Variants in TTC9 observed in about 807,000 individuals in gnomAD.
TTC9 encodes the protein tetratricopeptide repeat protein 9A.
Under a neutral mutation model 22.9 loss-of-function variants are expected in TTC9, and 13 were observed. That is an observed-to-expected ratio of 0.57 (90% CI 0.37 to 0.90). The LOEUF is 0.90. Among genes scored for constraint, TTC9 ranks in the 40% least tolerant of loss-of-function variants. TTC9 has a pLI of 0.01. For synonymous variants in TTC9, 148 were observed against 133.2 expected (o/e 1.11, Z -0.77); for missense variants, 280 against 291.8 (o/e 0.96, Z 0.29).
Position 70,667,537 on chromosome 14 carries a change from T to C in TTC9, c.407-27T>C, listed in dbSNP as rs563395406. The C allele has an allele frequency of 2.7e-4, 433 of 1,613,192 alleles. 6 individuals carry two copies. The South Asian group carries it at 4.5e-3, about 17-fold the overall frequency. ...GCAGAGCTGGCCACTGTTGTGCTGA[T>C]GGCATTTTCCCTCCCTTCCTCCATA... On this transcript the variant is annotated intron_variant, in intron 1 of 2. Transcript: ENST00000256367.
chr14:70,671,375 C>T lies in TTC9; in HGVS notation c.*220C>T. The stretch of plus-strand genomic sequence containing the variant: ...CGCCCAGACAATGGAGACATCCTCT[C>T]CTCTAGCAGGTCAGCGACTGAGAGG... On this transcript the variant is annotated 3_prime_UTR_variant, in exon 3 of 3. Transcript: ENST00000256367. 1 of 459,408 alleles carries T rather than the reference C, an allele frequency of 2.2e-6. No homozygotes were observed. The highest frequency in any genetic ancestry group is 4.0e-6 in the Non-Finnish European group (1 of 249,738). The allele number at this position is 459,408 out of a possible 1,614,324, so 28.5% of individuals were successfully genotyped here.
In TTC9 at chr14:70,673,736, G is replaced by A. The variant is rs1192843577; in HGVS notation, c.*2581G>A. ...GTCTTTGTGCGTCAGGAAGGACTCC[G>A]AGTAATTATTCCCTATGCAGAGACA... On this transcript the variant is annotated 3_prime_UTR_variant, in exon 3 of 3. Transcript: ENST00000256367. 6.6e-6 allele frequency: 1 copy of A among 152,242 alleles called. No homozygotes were observed. The highest frequency in any genetic ancestry group is 2.4e-5 in the African/African-American group (1 of 41,418). 9.4% of individuals were successfully genotyped at this position (152,242 alleles called of 1,614,324 possible). A position where few individuals can be genotyped will look rare whatever the true frequency, so the allele number is the denominator to read the frequency against.
intron 2 of TTC9, among the ~76,000 whole-genome samples, chr14:70,670,236 A>G (rs1345998834): frequency 2.0e-5 from 3 of 152,230 alleles, no homozygotes; most frequent in South Asian, 2.1e-4. Flanking sequence ...ATCTGACTCA[A>G]TCTCGCTAGG....
chr14:70,654,702 C>T (rs1348030993), intron 1 of TTC9, among the ~76,000 whole-genome samples: 1 of 148,702 alleles, frequency 6.7e-6, no homozygotes, highest in Non-Finnish European at 1.5e-5. Context: ...TTAAATTTAG[C>T]AGAGTTTAAT....
At chr14:70,667,456 A>G in intron 1 of TTC9, 108 bp from the exon 2 acceptor site, 1 of 1,150,984 alleles carries the variant, frequency 8.7e-7, no homozygotes. Flanking sequence ...TGTAAACCCC[A>G]GTGGAAAACC....
intron 1 of TTC9, among the ~76,000 whole-genome samples, chr14:70,645,564 T>C (rs143416686): frequency 4.2e-4 from 64 of 152,362 alleles, no homozygotes; most frequent in African/African-American, 1.3e-3. Context: ...ATACTTCTCA[T>C]TGGCTAGAAA....
At chr14:70,653,678 C>G (rs1407786949) in intron 1 of TTC9, among the ~76,000 whole-genome samples, 1 of 151,834 alleles carries the variant, frequency 6.6e-6, no homozygotes, top group Non-Finnish European at 1.5e-5. Context: ...TGTTCCCTGC[C>G]ACTTTTCACA....
intron 1 of TTC9, among the ~76,000 whole-genome samples, chr14:70,659,740 T>C (rs1209641111): frequency 1.3e-5 from 2 of 152,138 alleles, no homozygotes; most frequent in South Asian, 4.1e-4. Context: ...ATGCCTCAAA[T>C]ATGTCTAATG....
chr14:70,655,073 T>G (rs1458825445), intron 1 of TTC9, among the ~76,000 whole-genome samples: 1 of 152,220 alleles, frequency 6.6e-6, no homozygotes, highest in African/African-American at 2.4e-5. Flanking sequence ...AGGCTAAATT[T>G]AATTTAGCAT....
chr14:70,669,821 C>T (rs949387877), intron 2 of TTC9, among the ~76,000 whole-genome samples: 3 of 152,140 alleles, frequency 2.0e-5, no homozygotes, highest in African/African-American at 7.2e-5. Context: ...CTGGAGGATA[C>T]GCCTGGCATT....
At position 70,651,083 on chromosome 14, in the gene TTC9, C is replaced by T. The variant is rs143863707; in HGVS notation, c.406+8548C>T. On this transcript the variant is annotated intron_variant, in intron 1 of 2. Transcript: ENST00000256367. ...GCAACCTCTGCCACCTGGATTCAAG[C>T]GATTCTCCTGCCTCAGCCTGCCGAG... Among the ~76,000 whole-genome samples the T allele has an allele frequency of 9.2e-5, 14 of 152,222 alleles. No individual in the cohort carries two copies. The East Asian group carries it at 2.3e-3, about 25-fold the overall frequency.
chr14:70,654,737 G>A (rs138510887), intron 1 of TTC9, among the ~76,000 whole-genome samples: 74 of 152,016 alleles, frequency 4.9e-4, no homozygotes, highest in African/African-American at 1.7e-3. Flanking sequence ...CTCGTGAATC[G>A]GGCAGCCTCC....
At position 70,673,267 on chromosome 14, in the gene TTC9, C is replaced by G. The variant is rs774020923; in HGVS notation, c.*2112C>G. The G allele has an allele frequency of 2.0e-5, 3 of 152,176 alleles. No homozygotes were observed. Among genetic ancestry groups the G allele is most frequent in the African/African-American group, 4.8e-5 (2 of 41,434 alleles). The allele number at this position is 152,176 out of a possible 1,614,324, so 9.4% of individuals were successfully genotyped here. A position where few individuals can be genotyped will look rare whatever the true frequency, so the allele number is the denominator to read the frequency against. ...TTAATTATGTAAGCAGATGCCCCAC[C>G]ACGGCAGGATCCAATCACAGCCGAG... On this transcript the variant is annotated 3_prime_UTR_variant, in exon 3 of 3. Coordinates refer to ENST00000256367, the MANE Select transcript of TTC9 (RefSeq NM_015351.2).
chr14:70,642,140 A>G lies in TTC9; in HGVS notation c.11A>G (p.Lys4Arg), dbSNP rs538758117. The change falls in exon 1 of 3, where the codon AAG becomes AGG. Residue 4 changes from lysine (K) to arginine (R), a missense_variant. Around this residue, in one of 5 missense-constraint regions of TTC9, gnomAD observed 49 missense variants for 39.8 expected, o/e 1.23. Coordinates refer to ENST00000256367, the MANE Select transcript of TTC9 (RefSeq NM_015351.2). ...CGGGGCGGCGGCCGAATGGAGAGAA[A>G]GGGCTCGGCGGCCGGGGCCAAGGGG... is the stretch of plus-strand genomic sequence containing the variant. MER[K>R]GSAAGAKGNP... The G allele has an allele frequency of 1.0e-5, 12 of 1,152,416 alleles. No individual in the cohort carries two copies. In the African/African-American group the frequency reaches 1.8e-4, roughly 17 times the overall value. 71.4% of individuals were successfully genotyped at this position (1,152,416 alleles called of 1,614,324 possible).
chr14:70,657,235 T>A (rs1886079532), intron 1 of TTC9, among the ~76,000 whole-genome samples: 1 of 152,240 alleles, frequency 6.6e-6, no homozygotes. Context: ...ATATTCCTTA[T>A]GAAGCCCTGG....
At chr14:70,654,610 A>AAAAAAAAAAAAAT (rs1886034069) in intron 1 of TTC9, among the ~76,000 whole-genome samples, 1 of 135,266 alleles carries the variant, frequency 7.4e-6, no homozygotes, top group African/African-American at 2.5e-5. Context: ...AAAAAAAAAA[A>AAAAAAAAAAAAAT]AAAAAAAAAA....
chr14:70,663,730 C>T (rs575634220), intron 1 of TTC9, among the ~76,000 whole-genome samples: 1 of 152,316 alleles, frequency 6.6e-6, no homozygotes, highest in East Asian at 1.9e-4. Context: ...GGTGTCAGCT[C>T]ATCAGCTGAT....
intron 1 of TTC9, among the ~76,000 whole-genome samples, chr14:70,643,407 G>C (rs967378671): frequency 6.6e-6 from 1 of 152,216 alleles, no homozygotes; most frequent in African/African-American, 2.4e-5. Context: ...AAAAAGAAGA[G>C]TCTGGCTCTT....
Position 70,667,718 on chromosome 14 carries a change from G to C in TTC9, c.561G>C (p.Leu187=). The C allele has an allele frequency of 1.2e-6, 2 of 1,605,288 alleles. No individual in the cohort carries two copies. The highest frequency in any genetic ancestry group is 1.7e-6 in the Non-Finnish European group (2 of 1,175,128). Residue 187 remains leucine, a synonymous_variant, in exon 2 of 3, where the codon CTG becomes CTC. Coordinates refer to ENST00000256367, the MANE Select transcript of TTC9 (RefSeq NM_015351.2). ...LGDYDKALYY[L]KEARTQQPTD... ...ACTATGACAAAGCACTCTACTACCT[G>C]AAAGAAGCAAGGACCCAACAACCAA... is the stretch of plus-strand genomic sequence containing the variant.
Sources: gnomAD v4.1 joint callset for allele counts (sites outside exome capture counted in the v4.1 genomes callset) on GRCh38, gnomAD v4.1.1 for gene constraint, gnomAD v4.1.1 regional missense constraint, MANE v1.5 for transcripts, NCBI Gene and HGNC (gene_info 2026-07-23, HGNC 2026-07-21) for gene names.